CDH4: variants seen among roughly 807,000 people sequenced by gnomAD.
The protein encoded by CDH4 is cadherin 4.
CDH4 carries 33 observed loss-of-function variants against 86.0 expected under a neutral mutation model. The observed-to-expected ratio is 0.38, with a 90% confidence interval of 0.29 to 0.51. The LOEUF (loss-of-function observed/expected upper bound fraction) is 0.51. CDH4 is among the 20% of genes least tolerant of loss of function. The pLI is 0.86. For missense variants in CDH4, 1,114 were observed against 1,307.4 expected (o/e 0.85, Z 2.28); for synonymous variants, 555 against 549.4 (o/e 1.01, Z -0.14).
At chr20:61,772,664 G>A (rs2088787823) in intron 3 of CDH4, among the ~76,000 whole-genome samples, 3 of 152,076 alleles carry the variant, frequency 2.0e-5, no homozygotes, top group Non-Finnish European at 2.9e-5. Flanking sequence ...CTTTTCTTTT[G>A]TGATCTCTTG....
intron 2 of CDH4, among the ~76,000 whole-genome samples, chr20:61,655,632 G>A (rs559826289): frequency 7.2e-5 from 11 of 152,372 alleles, no homozygotes; most frequent in East Asian, 1.9e-4. Flanking sequence ...AAGAAGCTCC[G>A]CTGGCTTTTG....
chr20:61,679,105 C>T lies in CDH4; in HGVS notation c.170-64458C>T, dbSNP rs1398223672. On this transcript the variant is annotated intron_variant, in intron 2 of 15. Coordinates refer to ENST00000614565, the MANE Select transcript of CDH4 (RefSeq NM_001794.5). ...AGCCCGGAAGAGCGAACAGCACACACGGTGACAAGGGTCAGAAATGCTACC... is the reference window on the plus strand; with the variant it reads ...AGCCCGGAAGAGCGAACAGCACACATGGTGACAAGGGTCAGAAATGCTACC... 3.9e-5 allele frequency among the ~76,000 whole-genome samples: 6 copies of T among 152,182 alleles called. No homozygotes were observed. The East Asian group carries it at 9.7e-4, about 24-fold the overall frequency.
intron 2 of CDH4, among the ~76,000 whole-genome samples, chr20:61,366,371 G>A (rs1428702060): frequency 3.9e-5 from 6 of 152,222 alleles, no homozygotes; most frequent in African/African-American, 1.4e-4. Context: ...GGCTGGGGAG[G>A]TGCCAAGACC....
At chr20:61,474,244 C>T (rs368538131) in intron 2 of CDH4, among the ~76,000 whole-genome samples, 1 of 149,282 alleles carries the variant, frequency 6.7e-6, no homozygotes, top group East Asian at 2.0e-4. Flanking sequence ...CACTGCAACC[C>T]CCACCTCCCT....
chr20:61,323,072 G>A (rs1442588411), intron 2 of CDH4, among the ~76,000 whole-genome samples: 2 of 152,202 alleles, frequency 1.3e-5, no homozygotes, highest in African/African-American at 2.4e-5. Flanking sequence ...ACGCACTGCC[G>A]GATATACCCC....
chr20:61,877,969 T>G (rs1984112392), intron 7 of CDH4, among the ~76,000 whole-genome samples: 1 of 152,094 alleles, frequency 6.6e-6, no homozygotes, highest in South Asian at 2.1e-4. Flanking sequence ...CCAAGCAGAC[T>G]GTGACAGGGT....
intron 2 of CDH4, among the ~76,000 whole-genome samples, chr20:61,297,398 G>GA (rs923410773): frequency 1.6e-4 from 24 of 151,344 alleles, no homozygotes; most frequent in South Asian, 2.1e-4. Flanking sequence ...TCAAAAAACA[G>GA]AAAAAAAAAG....
intron 4 of CDH4, among the ~76,000 whole-genome samples, chr20:61,814,776 C>T (rs1007518492): frequency 6.6e-6 from 1 of 152,216 alleles, no homozygotes; most frequent in East Asian, 1.9e-4. Context: ...AACAGTCTAA[C>T]GAGGCAGTGC....
chr20:61,722,814 C>T (rs749185157), intron 2 of CDH4, among the ~76,000 whole-genome samples: 2 of 152,134 alleles, frequency 1.3e-5, no homozygotes, highest in Non-Finnish European at 2.9e-5. Flanking sequence ...GTGGGGGTCC[C>T]GTGATCACCT....
chr20:61,323,835 C>A lies in CDH4; in HGVS notation c.169+68898C>A, dbSNP rs2084522797. ...AGCTCTTGAGAGCATTTCAAAGAGGCTTGTTGCAATTAATGCCTCCCTGTT... is the reference window on the plus strand; with the variant it reads ...AGCTCTTGAGAGCATTTCAAAGAGGATTGTTGCAATTAATGCCTCCCTGTT... On this transcript the variant is annotated intron_variant, in intron 2 of 15. Transcript: ENST00000614565. Among the ~76,000 whole-genome samples the A allele has an allele frequency of 3.3e-5, 5 of 152,110 alleles. No individual in the cohort carries two copies. In the South Asian group the frequency reaches 1.0e-3, roughly 32 times the overall value.
chr20:61,935,944 A>AG (rs2055178061), intron 15 of CDH4, among the ~76,000 whole-genome samples: 1 of 152,166 alleles, frequency 6.6e-6, no homozygotes, highest in African/African-American at 2.4e-5. Context: ...AGGAGAAATT[A>AG]AAAATGAAAA....
intron 2 of CDH4, among the ~76,000 whole-genome samples, chr20:61,463,020 G>T (rs1330986276): frequency 5.3e-5 from 8 of 152,184 alleles, no homozygotes; most frequent in African/African-American, 1.9e-4. Flanking sequence ...GAATAATGGG[G>T]GTGGTTTCCA....
intron 2 of CDH4, among the ~76,000 whole-genome samples, chr20:61,685,073 GA>G (rs1308739422): frequency 6.6e-6 from 1 of 152,132 alleles, no homozygotes; most frequent in Non-Finnish European, 1.5e-5. Context: ...GTACCCATAA[GA>G]CAGCCACTCC....
intron 2 of CDH4, among the ~76,000 whole-genome samples, chr20:61,547,211 TTTTTTTTTTTTTG>T (rs1259090443): frequency 1.1e-5 from 1 of 88,318 alleles, no homozygotes; most frequent in African/African-American, 4.2e-5. Context: ...TTTTTTTTTT[TTTTTTTTTTTTTG>T]CCCCCTGAGA....
intron 2 of CDH4, among the ~76,000 whole-genome samples, chr20:61,328,390 T>A (rs2084548435): frequency 6.6e-6 from 1 of 152,200 alleles, no homozygotes; most frequent in Non-Finnish European, 1.5e-5. Flanking sequence ...TTAGCCAGGA[T>A]GGTCTCAATC....
At chr20:61,322,975 A>C (rs1195692936) in intron 2 of CDH4, among the ~76,000 whole-genome samples, 1 of 152,178 alleles carries the variant, frequency 6.6e-6, no homozygotes, top group African/African-American at 2.4e-5. Context: ...TGAGCTCTAG[A>C]ACATTCAAGG....
chr20:61,929,365 T>C (rs111415176), intron 12 of CDH4, among the ~76,000 whole-genome samples: 3 of 152,310 alleles, frequency 2.0e-5, no homozygotes, highest in African/African-American at 7.2e-5. Context: ...CGTGAACTCC[T>C]GACTTCAAGT....
chr20:61,481,554 T>C (rs1403518133), intron 2 of CDH4, among the ~76,000 whole-genome samples: 1 of 152,258 alleles, frequency 6.6e-6, no homozygotes, highest in African/African-American at 2.4e-5. Context: ...ACCATCATGT[T>C]CTTTCAGCCA....
Position 61,625,711 on chromosome 20 carries a change from A to G in CDH4, c.170-117852A>G, listed in dbSNP as rs372835395. ...TGCTTGCAGCCTCCACACTTCACAA[A>G]ATTAATGTCGTAACAGACCCAAGAG... On this transcript the variant is annotated intron_variant, in intron 2 of 15. Transcript: ENST00000614565. Among the ~76,000 whole-genome samples the G allele has an allele frequency of 1.3e-4, 20 of 152,284 alleles. No individual in the cohort carries two copies. In the South Asian group the frequency reaches 4.1e-3, roughly 32 times the overall value.
Sources: gnomAD v4.1 joint callset for allele counts (sites outside exome capture counted in the v4.1 genomes callset) on GRCh38, gnomAD v4.1.1 for gene constraint, MANE v1.5 for transcripts, NCBI Gene and HGNC (gene_info 2026-07-23, HGNC 2026-07-21) for gene names.